The following PCDH15 variants were observed in gnomAD, a reference collection of about 807,000 sequenced individuals.
PCDH15 encodes protocadherin-15.
PCDH15 carries 129 observed loss-of-function variants against 178.5 expected under a neutral mutation model. The ratio of observed to expected loss-of-function variants is 0.72; its 90% CI spans 0.63 to 0.84. The LOEUF is 0.84. PCDH15 is among the 40% of genes least tolerant of loss of function. PCDH15 has a pLI of 0.00. For missense variants in PCDH15, 2,230 were observed against 2,099.9 expected (o/e 1.06, Z -1.21); for synonymous variants, 800 against 732.0 (o/e 1.09, Z -1.50).
chr10:55,267,045 C>G (rs529443016), intron 1 of PCDH15, among the ~76,000 whole-genome samples: 1 of 151,998 alleles, frequency 6.6e-6, no homozygotes, highest in Non-Finnish European at 1.5e-5. Flanking sequence ...GCTGCACTAC[C>G]ATCGCATGCA....
chr10:54,776,533 G>T (rs189313133), intron 1 of PCDH15, among the ~76,000 whole-genome samples: 60 of 152,176 alleles, frequency 3.9e-4, no homozygotes, highest in African/African-American at 1.2e-3. Context: ...TTTTCTGCCT[G>T]TATTTTATAA....
In PCDH15 at chr10:55,169,151, G is replaced by C. The variant is rs146023076; in HGVS notation, c.-155-2500C>G. 3.1e-3 allele frequency among the ~76,000 whole-genome samples: 478 copies of C among 152,132 alleles called. 1 individual carries two copies. Among genetic ancestry groups the C allele is most frequent in the South Asian group, 0.02 (97 of 4,806 alleles). ...CTCTTAACTACTTCAATATTAGCTA[G>C]AATAAATAAGAAAAGAAGAGATTCT... On this transcript the variant is annotated intron_variant, in intron 1 of 5. Transcript: ENST00000458638.
upstream of PCDH15, among the ~76,000 whole-genome samples, chr10:55,324,511 G>A (rs1462453313): frequency 4.6e-5 from 7 of 151,876 alleles, no homozygotes; most frequent in African/African-American, 1.7e-4. Context: ...ATTACATAAC[G>A]GTAAAGGCAA....
intron 2 of PCDH15, among the ~76,000 whole-genome samples, chr10:55,516,768 G>A (rs1203515502): frequency 6.6e-6 from 1 of 152,066 alleles, no homozygotes; most frequent in Admixed American, 6.6e-5. Context: ...CTTTGTGACT[G>A]CAAGTTAAGC....
At chr10:54,309,762 C>T (rs2060787401) in intron 8 of PCDH15, among the ~76,000 whole-genome samples, 1 of 151,742 alleles carries the variant, frequency 6.6e-6, no homozygotes, top group Non-Finnish European at 1.5e-5. Context: ...TGTCACTGCA[C>T]TGCCTTGGTG....
chr10:53,813,010 C>T (rs1172653610), intron 35 of PCDH15, among the ~76,000 whole-genome samples: 1 of 152,118 alleles, frequency 6.6e-6, no homozygotes, highest in African/African-American at 2.4e-5. Flanking sequence ...TGGCCAACAT[C>T]ATTTTAAAAA....
chr10:55,072,448 C>T (rs1290522643), intron 2 of PCDH15, among the ~76,000 whole-genome samples: 2 of 152,048 alleles, frequency 1.3e-5, no homozygotes, highest in Non-Finnish European at 2.9e-5. Flanking sequence ...TACAAACTAC[C>T]ATCAGAGAAT....
intron 8 of PCDH15, among the ~76,000 whole-genome samples, chr10:54,282,183 T>A (rs913290722): frequency 1.3e-5 from 2 of 152,120 alleles, no homozygotes; most frequent in African/African-American, 4.8e-5. Context: ...TAACACCACC[T>A]GGAAACCTGC....
At chr10:54,600,495 G>T in intron 2 of PCDH15, 1 of 576,584 alleles carries the variant, frequency 1.7e-6, no homozygotes, top group South Asian at 1.4e-5. Context: ...AAGTGGTGGT[G>T]ACCAAAATAG....
intron 28 of PCDH15, among the ~76,000 whole-genome samples, chr10:53,855,167 C>T (rs2078640298): frequency 6.6e-6 from 1 of 151,782 alleles, no homozygotes; most frequent in Non-Finnish European, 1.5e-5. Flanking sequence ...CTCATACATT[C>T]GTAGAGATAA....
Position 53,940,948 on chromosome 10 carries a change from G to T in PCDH15, c.3150C>A (p.Thr1050=). The T allele has an allele frequency of 6.2e-7, 1 of 1,613,388 alleles. No homozygotes were observed. The highest frequency in any genetic ancestry group is 8.5e-7 in the Non-Finnish European group (1 of 1,179,406). ...AAATTACACCAACCATGGTCCCTTT[G>T]GTGGCAAGTTCACTTACTGGAGGAG... is the stretch of plus-strand genomic sequence containing the variant. The part of the protein sequence containing the change: ...YRPPPVSELA[T]KGTMVGVISA... The change falls in exon 24 of 38, where the codon ACC becomes ACA. Residue 1050 remains threonine (T), a synonymous_variant. Coordinates refer to ENST00000644397, the MANE Select transcript of PCDH15 (RefSeq NM_001384140.1).
chr10:54,008,420 C>G (rs2135120174), intron 20 of PCDH15, among the ~76,000 whole-genome samples: 1 of 152,200 alleles, frequency 6.6e-6, no homozygotes, highest in Admixed American at 6.5e-5. Flanking sequence ...GATGTTGAGG[C>G]AACATTAAGA....
intron 13 of PCDH15, among the ~76,000 whole-genome samples, chr10:54,177,161 G>A (rs571593366): frequency 2.8e-4 from 42 of 152,188 alleles, no homozygotes; most frequent in Non-Finnish European, 4.7e-4. Flanking sequence ...ATTACTAAGT[G>A]AAATAAGCCA....
chr10:54,637,536 G>C (rs543074309), intron 2 of PCDH15, among the ~76,000 whole-genome samples: 1 of 151,944 alleles, frequency 6.6e-6, no homozygotes, highest in African/African-American at 2.4e-5. Flanking sequence ...CTCACAACAC[G>C]CACTTATTCC....
chr10:53,993,570 T>C (rs1211556685), intron 21 of PCDH15, among the ~76,000 whole-genome samples: 1 of 152,174 alleles, frequency 6.6e-6, no homozygotes, highest in East Asian at 1.9e-4. Flanking sequence ...AGTAACAGAG[T>C]AGAAAACACT....
chr10:55,374,049 C>T (rs1565071337), intron 2 of PCDH15, among the ~76,000 whole-genome samples: 1 of 150,750 alleles, frequency 6.6e-6, no homozygotes, highest in Non-Finnish European at 1.5e-5. Context: ...TGTAACACAC[C>T]TGCACGTTCT....
chr10:54,521,537 T>G (rs1475680199), intron 3 of PCDH15, among the ~76,000 whole-genome samples: 1 of 152,192 alleles, frequency 6.6e-6, no homozygotes, highest in African/African-American at 2.4e-5. Flanking sequence ...CTGCTACTAT[T>G]GAATCTTCCC....
chr10:53,808,796 C>A lies in PCDH15; in HGVS notation c.4672-1666G>T, dbSNP rs1297423576. On this transcript the variant is annotated intron_variant, in intron 37 of 37. Coordinates refer to ENST00000644397, the MANE Select transcript of PCDH15 (RefSeq NM_001384140.1). ...GGTACCTGATAGCCCCATGGACCTC[C>A]AGACTGACTTTCGCTACTACTGCTA... 6.2e-7 allele frequency: 1 copy of A among 1,611,950 alleles called. No individual in the cohort carries two copies. The highest frequency in any genetic ancestry group is 1.3e-5 in the African/African-American group (1 of 74,980).
At chr10:54,609,936 T>A (rs2092906812) in intron 2 of PCDH15, among the ~76,000 whole-genome samples, 1 of 152,026 alleles carries the variant, frequency 6.6e-6, no homozygotes, top group African/African-American at 2.4e-5. Flanking sequence ...TTTATGTCAT[T>A]AAAATAGTTT....
Sources: gnomAD v4.1 joint callset for allele counts (sites outside exome capture counted in the v4.1 genomes callset) on GRCh38, gnomAD v4.1.1 for gene constraint, MANE v1.5 for transcripts, NCBI Gene and HGNC (gene_info 2026-07-23, HGNC 2026-07-21) for gene names.